The following CES5A variants were observed in gnomAD, a reference collection of about 807,000 sequenced individuals.
CES5A encodes carboxylesterase 5.
In CES5A, 67 loss-of-function variants were observed where a neutral mutation model predicts 62.9. The ratio of observed to expected loss-of-function variants is 1.07; its 90% CI spans 0.88 to 1.31. The LOEUF (loss-of-function observed/expected upper bound fraction) is 1.31, where lower values mean the gene tolerates loss of function less well. Ranked by LOEUF, CES5A falls within the 50% of genes most tolerant of loss-of-function variation. The pLI is 0.00. For synonymous variants in CES5A, 296 were observed against 280.8 expected, an observed-to-expected ratio of 1.05 and a Z score of -0.54; for missense variants, 748 against 708.5, an observed-to-expected ratio of 1.06 and a Z score of -0.63.
Position 55,852,945 on chromosome 16 carries a change from A to G in CES5A, c.1209T>C (p.Leu403=). Residue 403 remains leucine, a synonymous_variant, in exon 10 of 13, where the codon CTT becomes CTC. Transcript: ENST00000290567. ...KHSLTEIRDS[L]LDLLGDVFFV... The stretch of plus-strand genomic sequence containing the variant: ...AGAACACATCTCCAAGCAAGTCCAG[A>G]AGACTGTCTCGGATTTCAGTCAGGG... The G allele has an allele frequency of 6.2e-7, 1 of 1,614,200 alleles. No individual in the cohort carries two copies. Among genetic ancestry groups the G allele is most frequent in the Non-Finnish European group, 8.5e-7 (1 of 1,180,014 alleles).
At chr16:55,852,508 T>C (rs528180546) in intron 10 of CES5A, among the ~76,000 whole-genome samples, 16 of 152,254 alleles carry the variant, frequency 1.1e-4, no homozygotes, top group Non-Finnish European at 2.2e-4. Flanking sequence ...TCGATTACTT[T>C]AGGAGTTCCA....
chr16:55,879,656 C>T (rs2033741206), upstream of CES5A, among the ~76,000 whole-genome samples: 1 of 152,190 alleles, frequency 6.6e-6, no homozygotes, highest in Non-Finnish European at 1.5e-5. Flanking sequence ...GTCACCCAGG[C>T]TTGAGCACAG....
intron 2 of CES5A, among the ~76,000 whole-genome samples, chr16:55,945,967 A>G (rs2142483436): frequency 6.6e-6 from 1 of 152,226 alleles, no homozygotes; most frequent in Non-Finnish European, 1.5e-5. Context: ...CCCACCCTGC[A>G]TGGATTTGAT....
At chr16:55,907,302 G>A (rs2034048515) in intron 1 of CES5A, among the ~76,000 whole-genome samples, 1 of 152,266 alleles carries the variant, frequency 6.6e-6, no homozygotes, top group East Asian at 1.9e-4. Flanking sequence ...GCCATGTTTT[G>A]TCAGAAGGGA....
At chr16:55,865,870 A>T in intron 5 of CES5A, 93 bp downstream of exon 5, 1 of 1,407,814 alleles carries the variant, frequency 7.1e-7, no homozygotes, top group Non-Finnish European at 1.0e-6. Context: ...GGTTTGTTCA[A>T]CATGAAGGCA....
chr16:55,935,934 T>C (rs1484323179), intron 2 of CES5A, among the ~76,000 whole-genome samples: 2 of 152,138 alleles, frequency 1.3e-5, no homozygotes, highest in Non-Finnish European at 2.9e-5. Context: ...AAGCAACATA[T>C]AAAAACATTG....
chr16:55,903,131 A>G (rs1289583939), intron 1 of CES5A, among the ~76,000 whole-genome samples: 1 of 98,098 alleles, frequency 1.0e-5, no homozygotes, highest in Non-Finnish European at 2.2e-5. Flanking sequence ...GATGCAGAGA[A>G]AAAAAAAAAG....
intron 1 of CES5A, among the ~76,000 whole-genome samples, chr16:55,894,077 TGAAA>T (rs1308555468): frequency 1.3e-5 from 2 of 151,932 alleles, no homozygotes; most frequent in African/African-American, 2.4e-5. Flanking sequence ...GAAAAACTGA[TGAAA>T]GAAAAATAAG....
At position 55,846,523 on chromosome 16, in the gene CES5A, C is replaced by T. The variant is rs1448187905; in HGVS notation, c.1656G>A (p.Met552Ile). 2 of 1,614,114 alleles carry T rather than the reference C, an allele frequency of 1.2e-6. No homozygotes were observed. Among genetic ancestry groups the T allele is most frequent in the Middle Eastern group, 3.3e-4 (2 of 6,062 alleles). Reference sequence around the variant, plus strand: ...TTAAGGAAGAAAGAGGACTGTGGAGCATGTCGGAGGCAGACAGGATCAGGG... The same window carrying T: ...TTAAGGAAGAAAGAGGACTGTGGAGTATGTCGGAGGCAGACAGGATCAGGG... ...TIPLILSASD[M>I]LHSPLSSLTF... The change falls in exon 13 of 13, where the codon ATG (methionine) becomes ATA (isoleucine). Residue 552 changes from methionine to isoleucine, a missense_variant. Transcript: ENST00000290567.
chr16:55,867,069 TG>T (rs1376313407), intron 4 of CES5A, among the ~76,000 whole-genome samples: 3 of 152,142 alleles, frequency 2.0e-5, no homozygotes, highest in Admixed American at 6.5e-5. Flanking sequence ...AGGCCTCAGC[TG>T]TGTGCCATGA....
intron 12 of CES5A, 38 bp from the exon 13 acceptor site, chr16:55,846,720 C>T: frequency 6.2e-7 from 1 of 1,612,514 alleles, no homozygotes; most frequent in Non-Finnish European, 8.5e-7. Flanking sequence ...AGATTTTCCT[C>T]CTCACACCCC....
At chr16:55,893,407 C>CA (rs1316123658) in intron 1 of CES5A, among the ~76,000 whole-genome samples, 2 of 151,796 alleles carry the variant, frequency 1.3e-5, no homozygotes, top group Non-Finnish European at 2.9e-5. Flanking sequence ...CCATAAATGA[C>CA]AAAAATATTG....
At chr16:55,940,523 T>G (rs1345012854) in intron 2 of CES5A, among the ~76,000 whole-genome samples, 3 of 151,990 alleles carry the variant, frequency 2.0e-5, no homozygotes, top group African/African-American at 7.2e-5. Context: ...TTTTAAAAAT[T>G]GAATCTATCT....
At chr16:55,926,815 C>T (rs2034262107), upstream of CES5A, among the ~76,000 whole-genome samples, 1 of 152,110 alleles carries the variant, frequency 6.6e-6, no homozygotes, top group Non-Finnish European at 1.5e-5. Context: ...TGTGAGCAGC[C>T]CAAAAAACTG....
intron 6 of CES5A, 74 bp downstream of exon 6, chr16:55,863,274 G>A: frequency 1.2e-6 from 1 of 843,350 alleles, no homozygotes; most frequent in Non-Finnish European, 2.1e-6. Flanking sequence ...CCAAACACAT[G>A]GTGAGAAGGT....
upstream of CES5A, among the ~76,000 whole-genome samples, chr16:55,925,649 T>A (rs1252160280): frequency 6.6e-6 from 1 of 152,132 alleles, no homozygotes; most frequent in Non-Finnish European, 1.5e-5. Flanking sequence ...AAAGAAAATG[T>A]GATATATACA....
chr16:55,871,798 G>A lies in CES5A; in HGVS notation c.279-35C>T, dbSNP rs781629490. ...GGAGAGGAGAAAACCCTCAGAAAAAGTTATCAGCAAACTTGCCTGGGAAGG... is the reference window on the plus strand; with the variant it reads ...GGAGAGGAGAAAACCCTCAGAAAAAATTATCAGCAAACTTGCCTGGGAAGG... On this transcript the variant is annotated intron_variant, in intron 2 of 12. Coordinates refer to ENST00000290567, the MANE Select transcript of CES5A (RefSeq NM_001143685.2). The A allele has an allele frequency of 5.0e-6, 8 of 1,609,222 alleles. No homozygotes were observed. The African/African-American group carries it at 1.1e-4, about 21-fold the overall frequency.
chr16:55,887,196 T>C (rs957023678), intron 1 of CES5A, among the ~76,000 whole-genome samples: 3 of 152,058 alleles, frequency 2.0e-5, no homozygotes, highest in Admixed American at 2.0e-4. Flanking sequence ...TCTGCATCAC[T>C]TGCAGAATTT....
At chr16:55,955,286 C>CA (rs1255370150) in intron 1 of CES5A, among the ~76,000 whole-genome samples, 6 of 151,436 alleles carry the variant, frequency 4.0e-5, no homozygotes, top group Admixed American at 2.6e-4. Context: ...CCTGTTGAGT[C>CA]AAAAAAAAAT....
Sources: gnomAD v4.1 joint callset for allele counts (sites outside exome capture counted in the v4.1 genomes callset) on GRCh38, gnomAD v4.1.1 for gene constraint, MANE v1.5 for transcripts, NCBI Gene and HGNC (gene_info 2026-07-23, HGNC 2026-07-21) for gene names.